The following MTUS2 variants were observed in gnomAD, a reference collection of about 807,000 sequenced individuals.
MTUS2 encodes microtubule associated scaffold protein 2.
MTUS2 carries 40 observed loss-of-function variants against 114.1 expected under a neutral mutation model. That is an observed-to-expected ratio of 0.35 (90% CI 0.27 to 0.46). MTUS2 has a LOEUF of 0.46. Ranked by LOEUF, MTUS2 falls within the 20% of genes least tolerant of loss-of-function variation. The pLI is 1.00. For synonymous variants in MTUS2, 688 were observed against 672.0 expected (o/e 1.02, Z -0.37); for missense variants, 1,679 against 1,705.4 (o/e 0.98, Z 0.27).
At chr13:29,101,027 T>G in intron 5 of MTUS2, 57 bp downstream of exon 5, 1 of 1,432,822 alleles carries the variant, frequency 7.0e-7, no homozygotes, top group Non-Finnish European at 9.3e-7. Context: ...GGCGCGCCTG[T>G]GTAACTGTGT....
intron 7 of MTUS2, among the ~76,000 whole-genome samples, chr13:29,337,692 CCCGGGTT>C (rs1172721805): frequency 6.6e-6 from 1 of 151,520 alleles, no homozygotes; most frequent in East Asian, 1.9e-4. Flanking sequence ...ATCTCTGCCT[CCCGGGTT>C]CAAGTGATTC....
At chr13:29,112,895 A>G (rs189232902) in intron 5 of MTUS2, among the ~76,000 whole-genome samples, 160 of 152,270 alleles carry the variant, frequency 1.1e-3, no homozygotes, top group African/African-American at 3.7e-3. Flanking sequence ...GAGAGTAACC[A>G]TGATGGAATT....
At chr13:28,845,574 A>T (rs1875817026) in intron 2 of MTUS2, among the ~76,000 whole-genome samples, 1 of 152,126 alleles carries the variant, frequency 6.6e-6, no homozygotes, top group African/African-American at 2.4e-5. Context: ...AAGGAAAAAA[A>T]TTATCCTTTA....
Position 29,260,848 on chromosome 13 carries a change from A to G in MTUS2, c.2645-20856A>G, listed in dbSNP as rs112288315. Reference sequence around the variant, plus strand: ...ATTTTTTAATTGTTACAACTTGGGTATGGAGAGAAAGGGAGATTGCTACTG... The same window carrying G: ...ATTTTTTAATTGTTACAACTTGGGTGTGGAGAGAAAGGGAGATTGCTACTG... On this transcript the variant is annotated intron_variant, in intron 5 of 15. Transcript: ENST00000612955. Among the ~76,000 whole-genome samples, 296 of 152,300 alleles carry G rather than the reference A, an allele frequency of 1.9e-3. 2 individuals are homozygous for G. Among genetic ancestry groups the G allele is most frequent in the African/African-American group, 6.7e-3 (277 of 41,564 alleles).
chr13:29,221,964 G>GTC (rs1198570777), intron 5 of MTUS2, among the ~76,000 whole-genome samples: 3 of 152,138 alleles, frequency 2.0e-5, no homozygotes, highest in African/African-American at 7.2e-5. Flanking sequence ...TAGAGATAGA[G>GTC]TCTCACTATA....
chr13:28,966,153 G>A (rs898119389), intron 2 of MTUS2, among the ~76,000 whole-genome samples: 3 of 152,066 alleles, frequency 2.0e-5, no homozygotes, highest in Non-Finnish European at 2.9e-5. Flanking sequence ...TTTAATCACG[G>A]GGTTATTTTA....
At chr13:29,063,042 AGCAG>A (rs1445701124) in intron 4 of MTUS2, among the ~76,000 whole-genome samples, 1 of 152,224 alleles carries the variant, frequency 6.6e-6, no homozygotes, top group African/African-American at 2.4e-5. Context: ...CTCAAAATAC[AGCAG>A]AACTATTACC....
At chr13:29,287,866 G>C (rs552863495) in intron 6 of MTUS2, among the ~76,000 whole-genome samples, 1 of 152,292 alleles carries the variant, frequency 6.6e-6, no homozygotes, top group East Asian at 1.9e-4. Flanking sequence ...CACGATTCCT[G>C]TCCCCACAGG....
intron 2 of MTUS2, among the ~76,000 whole-genome samples, chr13:29,001,988 A>C (rs1395518057): frequency 7.9e-5 from 12 of 152,208 alleles, no homozygotes; most frequent in Non-Finnish European, 1.2e-4. Flanking sequence ...GAGGTATGGA[A>C]ATGGATTCTT....
intron 9 of MTUS2, among the ~76,000 whole-genome samples, chr13:29,456,744 C>A (rs1879133232): frequency 2.0e-5 from 3 of 152,170 alleles, no homozygotes; most frequent in Non-Finnish European, 2.9e-5. Context: ...AAACTGTCAA[C>A]CAGAATTCTA....
chr13:29,492,078 G>GTGTA (rs1283825803), intron 11 of MTUS2, among the ~76,000 whole-genome samples: 8 of 146,668 alleles, frequency 5.5e-5, no homozygotes, highest in African/African-American at 2.0e-4. Flanking sequence ...TGTGTGCCAT[G>GTGTA]TGTATGTGAA....
chr13:29,434,113 T>G (rs528772748), intron 8 of MTUS2, among the ~76,000 whole-genome samples: 1 of 152,272 alleles, frequency 6.6e-6, no homozygotes, highest in Admixed American at 6.5e-5. Context: ...TTTACATATA[T>G]ATGTATTTTC....
intron 2 of MTUS2, among the ~76,000 whole-genome samples, chr13:28,848,523 G>C (rs1354038055): frequency 1.3e-5 from 2 of 152,028 alleles, no homozygotes; most frequent in African/African-American, 4.8e-5. Flanking sequence ...TGGAATGTTA[G>C]TGGTACCTGG....
At chr13:28,888,621 C>A (rs1012840100) in intron 2 of MTUS2, among the ~76,000 whole-genome samples, 3 of 152,008 alleles carry the variant, frequency 2.0e-5, no homozygotes, top group Non-Finnish European at 4.4e-5. Context: ...GGGGTTTCTC[C>A]ATGTTGGTCA....
intron 8 of MTUS2, among the ~76,000 whole-genome samples, chr13:29,418,619 T>A (rs151154944): frequency 6.6e-6 from 1 of 152,322 alleles, no homozygotes; most frequent in African/African-American, 2.4e-5. Flanking sequence ...CCTTTAGCAG[T>A]TGAGTGCCTC....
At chr13:29,143,824 C>T (rs758645402) in intron 5 of MTUS2, among the ~76,000 whole-genome samples, 2 of 152,154 alleles carry the variant, frequency 1.3e-5, no homozygotes, top group Non-Finnish European at 2.9e-5. Flanking sequence ...ACAGCAGTTC[C>T]ATTTTAATGA....
At chr13:29,213,869 A>G (rs1443868949) in intron 5 of MTUS2, among the ~76,000 whole-genome samples, 1 of 151,664 alleles carries the variant, frequency 6.6e-6, no homozygotes, top group African/African-American at 2.4e-5. Context: ...TTCAACCCAC[A>G]TGTTCTTTCT....
At chr13:29,047,371 C>T (rs1887673442) in intron 4 of MTUS2, among the ~76,000 whole-genome samples, 1 of 152,112 alleles carries the variant, frequency 6.6e-6, no homozygotes, top group African/African-American at 2.4e-5. Flanking sequence ...AAAGATAGGA[C>T]ATTCTGATGC....
intron 9 of MTUS2, among the ~76,000 whole-genome samples, chr13:29,469,792 G>C (rs922109884): frequency 6.6e-6 from 1 of 151,714 alleles, no homozygotes; most frequent in African/African-American, 2.4e-5. Flanking sequence ...GGGTGACAGA[G>C]CAAGACCCTG....
Sources: allele counts gnomAD v4.1 joint callset (sites outside exome capture counted in the v4.1 genomes callset), GRCh38; gene constraint gnomAD v4.1.1; transcripts MANE v1.5; gene names NCBI Gene and HGNC (gene_info 2026-07-23, HGNC 2026-07-21).